Variants in FLVCR2 observed in about 807,000 individuals in gnomAD.
FLVCR2 encodes the protein FLVCR choline and putative heme transporter 2, also known as choline/ethanolamine transporter FLVCR2.
A neutral mutation model predicts 48.9 loss-of-function variants in FLVCR2; 38 were observed. The ratio of observed to expected loss-of-function variants is 0.78; its 90% CI spans 0.60 to 1.02. FLVCR2 has a LOEUF of 1.02. Ranked by LOEUF, FLVCR2 falls within the 50% of genes least tolerant of loss-of-function variation. The pLI is 0.00. For synonymous variants in FLVCR2, 255 were observed against 257.0 expected, an observed-to-expected ratio of 0.99 and a Z score of 0.07; for missense variants, 664 against 663.3, an observed-to-expected ratio of 1.00 and a Z score of -0.01.
chr14:75,609,787 G>GA (rs1889391347), intron 1 of FLVCR2, among the ~76,000 whole-genome samples: 1 of 152,124 alleles, frequency 6.6e-6, no homozygotes, highest in Admixed American at 6.5e-5. Flanking sequence ...GTCGTCACGT[G>GA]AGCATCCCTT....
intron 3 of FLVCR2, among the ~76,000 whole-genome samples, chr14:75,628,711 A>C (rs1889966330): frequency 6.6e-6 from 1 of 152,182 alleles, no homozygotes; most frequent in South Asian, 2.1e-4. Flanking sequence ...TTTTGGTGTC[A>C]GCTCTGCCAG....
chr14:75,596,312 A>C, intron 1 of FLVCR2: 1 of 443,790 alleles, frequency 2.3e-6, no homozygotes, highest in Non-Finnish European at 4.1e-6. Context: ...GGAGCAGAAA[A>C]CAAGGCCAGT....
chr14:75,597,272 C>T (rs1001585687), intron 1 of FLVCR2, among the ~76,000 whole-genome samples: 18 of 139,902 alleles, frequency 1.3e-4, no homozygotes, highest in Admixed American at 1.3e-3. Context: ...TAGAGCAAGA[C>T]CCATCTCAAA....
chr14:75,627,406 A>G (rs1226907540), intron 3 of FLVCR2, among the ~76,000 whole-genome samples: 1 of 152,228 alleles, frequency 6.6e-6, no homozygotes, highest in Non-Finnish European at 1.5e-5. Flanking sequence ...TTCAAGAGAA[A>G]TGGCTAAATA....
chr14:75,619,147 C>G lies in FLVCR2; in HGVS notation c.670-2932C>G, dbSNP rs1378266372. ...GCTGAGGTAGGAGAATCACTTGAACCTGGGAGGCGGCAGAGGTTGCAGTGA... is the reference window on the plus strand; with the variant it reads ...GCTGAGGTAGGAGAATCACTTGAACGTGGGAGGCGGCAGAGGTTGCAGTGA... On this transcript the variant is annotated intron_variant, in intron 1 of 9. Transcript: ENST00000238667. 2.0e-5 allele frequency among the ~76,000 whole-genome samples: 3 copies of G among 152,084 alleles called. No homozygotes were observed. The East Asian group carries it at 5.8e-4, about 29-fold the overall frequency.
At chr14:75,598,815 G>C (rs1350140306) in intron 1 of FLVCR2, among the ~76,000 whole-genome samples, 1 of 152,224 alleles carries the variant, frequency 6.6e-6, no homozygotes, top group Non-Finnish European at 1.5e-5. Flanking sequence ...TGTTATAGTT[G>C]CTTGTTAATT....
intron 1 of FLVCR2, chr14:75,605,851 C>T: frequency 3.7e-6 from 2 of 546,524 alleles, no homozygotes; most frequent in South Asian, 2.1e-5. Context: ...TGGTTTTCTC[C>T]TTTTTTTCTT....
chr14:75,641,859 T>C lies in FLVCR2; in HGVS notation c.1470T>C (p.Asp490=), dbSNP rs890574345. 3 of 1,613,964 alleles carry C rather than the reference T, an allele frequency of 1.9e-6. No homozygotes were observed. Among genetic ancestry groups the C allele is most frequent in the Non-Finnish European group, 2.5e-6 (3 of 1,179,954 alleles). Residue 490 remains aspartate, a synonymous_variant, in exon 9 of 10, where the codon GAT becomes GAC. Transcript: ENST00000238667. ...CAACCTTAGCATTCATTAAGGCAGA[T>C]CTCCGGAGACAGAAAGCAAACAAAG... ...GAALTAFIKA[D]LRRQKANKET... is the part of the protein sequence containing the mutation.
chr14:75,586,410 T>C (rs1361815019), intron 1 of FLVCR2, among the ~76,000 whole-genome samples: 3 of 152,216 alleles, frequency 2.0e-5, no homozygotes, highest in African/African-American at 7.2e-5. Context: ...TTCACTTTTG[T>C]GGATCTTCAG....
intron 9 of FLVCR2, among the ~76,000 whole-genome samples, chr14:75,646,046 T>C (rs1890414213): frequency 6.6e-6 from 1 of 152,046 alleles, no homozygotes; most frequent in Non-Finnish European, 1.5e-5. Flanking sequence ...TGAGGTGAGT[T>C]TTCAGCTGTC....
rs751540374 is a variant in FLVCR2, at chr14:75,579,022, C to T, written c.50C>T (p.Pro17Leu). ...NQEESDDTPV[P>L]ESALQADPSV... ...GAAGAGAGCGATGACACCCCTGTGC[C>T]GGAGTCCGCACTCCAAGCGGACCCC... is the stretch of plus-strand genomic sequence containing the variant. Residue 17 changes from proline to leucine, a missense_variant, in exon 1 of 10, where the codon CCG becomes CTG. By Grantham distance (98) the Pro-to-Leu change is moderately conservative. Coordinates refer to ENST00000238667, the MANE Select transcript of FLVCR2 (RefSeq NM_017791.3). 9.3e-6 allele frequency: 15 copies of T among 1,614,066 alleles called. No homozygotes were observed. The highest frequency in any genetic ancestry group is 1.3e-5 in the Non-Finnish European group (15 of 1,179,994).
At chr14:75,609,045 G>A (rs1319924934) in intron 1 of FLVCR2, among the ~76,000 whole-genome samples, 2 of 151,510 alleles carry the variant, frequency 1.3e-5, no homozygotes, top group East Asian at 3.9e-4. Flanking sequence ...ACTAAAGAAG[G>A]CCCTCCTCCC....
intron 1 of FLVCR2, among the ~76,000 whole-genome samples, chr14:75,594,915 G>T: frequency 6.6e-6 from 1 of 151,954 alleles, no homozygotes; most frequent in Non-Finnish European, 1.5e-5. Context: ...ATGGGGTCTT[G>T]CTATGTTGTG....
chr14:75,642,815 CT>C (rs1566798678), intron 9 of FLVCR2, among the ~76,000 whole-genome samples: 1 of 152,058 alleles, frequency 6.6e-6, no homozygotes, highest in Non-Finnish European at 1.5e-5. Flanking sequence ...AATAAAACTG[CT>C]TTTTTCACTT....
At chr14:75,580,055 T>C (rs1357311484) in intron 1 of FLVCR2, among the ~76,000 whole-genome samples, 2 of 152,206 alleles carry the variant, frequency 1.3e-5, no homozygotes, top group Non-Finnish European at 2.9e-5. Context: ...GTGCAGTATC[T>C]CCTCTACTGC....
intron 1 of FLVCR2, among the ~76,000 whole-genome samples, chr14:75,607,038 C>T (rs1889310108): frequency 6.6e-6 from 1 of 152,218 alleles, no homozygotes; most frequent in South Asian, 2.1e-4. Flanking sequence ...TTTTGATTCT[C>T]CTTCTAGGGA....
intron 1 of FLVCR2, among the ~76,000 whole-genome samples, chr14:75,612,797 C>G (rs777266447): frequency 2.0e-5 from 3 of 152,144 alleles, no homozygotes; most frequent in Non-Finnish European, 4.4e-5. Context: ...GTCCCAAGAC[C>G]CCCTGCCAAA....
rs1385703214 is a variant in FLVCR2, at chr14:75,647,284, C to G, written c.*812C>G. On this transcript the variant is annotated 3_prime_UTR_variant, in exon 10 of 10. Coordinates refer to ENST00000238667, the MANE Select transcript of FLVCR2 (RefSeq NM_017791.3). The stretch of plus-strand genomic sequence containing the variant: ...TACAGAAGTACTTCCCCAGGGACTT[C>G]TGTGTGTCACAGTCACCTCTGATGC... The G allele has an allele frequency of 1.3e-5, 2 of 152,324 alleles. No individual in the cohort carries two copies. Among genetic ancestry groups the G allele is most frequent in the Non-Finnish European group, 2.9e-5 (2 of 68,146 alleles). 9.4% of individuals were successfully genotyped at this position (152,324 alleles called of 1,614,324 possible). A position where few individuals can be genotyped will look rare whatever the true frequency, so the allele number is the denominator to read the frequency against.
chr14:75,635,486 A>G (rs1447907196), intron 5 of FLVCR2, among the ~76,000 whole-genome samples: 1 of 152,208 alleles, frequency 6.6e-6, no homozygotes, highest in Admixed American at 6.5e-5. Flanking sequence ...TTATTGTGCA[A>G]TTATTTATAC....
Sources: gnomAD v4.1 joint callset for allele counts (sites outside exome capture counted in the v4.1 genomes callset) on GRCh38, gnomAD v4.1.1 for gene constraint, MANE v1.5 for transcripts, NCBI Gene and HGNC (gene_info 2026-07-23, HGNC 2026-07-21) for gene names.